STX2: variants seen among roughly 807,000 people sequenced by gnomAD.
The protein encoded by STX2 is syntaxin-2.
STX2 carries 27 observed loss-of-function variants against 40.6 expected under a neutral mutation model. The observed-to-expected ratio is 0.66, with a 90% CI of 0.49 to 0.92. The LOEUF (loss-of-function observed/expected upper bound fraction) is 0.92, where lower values mean the gene tolerates loss of function less well. STX2 is among the 40% of genes least tolerant of loss of function. The pLI is 0.00. For missense variants in STX2, 328 were observed against 366.1 expected (o/e 0.90, Z 0.85); for synonymous variants, 123 against 119.1 (o/e 1.03, Z -0.22).
chr12:130,830,192 C>T (rs1387636076), intron 1 of STX2, among the ~76,000 whole-genome samples: 2 of 152,142 alleles, frequency 1.3e-5, no homozygotes, highest in African/African-American at 4.8e-5. Context: ...TGAGGCAAAT[C>T]CCATGAGGCA....
chr12:130,791,363 GA>G lies in STX2; in HGVS notation c.*659del, dbSNP rs1199264166. On this transcript the variant is annotated 3_prime_UTR_variant, in exon 11 of 11. Transcript: ENST00000392373. ...GGTAAAACCCCGTCTCTACTAAAAA[GA>G]AAACACAAAAAATTAGCTGGGTGTG... The G allele has an allele frequency of 1.3e-5, 2 of 151,978 alleles. No individual in the cohort carries two copies. The highest frequency in any genetic ancestry group is 2.9e-5 in the Non-Finnish European group (2 of 67,998). 9.4% of individuals were successfully genotyped at this position (151,978 alleles called of 1,614,324 possible).
At chr12:130,832,056 A>G (rs1952583718) in intron 1 of STX2, among the ~76,000 whole-genome samples, 1 of 152,062 alleles carries the variant, frequency 6.6e-6, no homozygotes, top group South Asian at 2.1e-4. Context: ...CATGTGGCCC[A>G]GGCTGGCCTT....
At chr12:130,809,924 T>C (rs1951585367) in intron 4 of STX2, among the ~76,000 whole-genome samples, 1 of 152,076 alleles carries the variant, frequency 6.6e-6, no homozygotes, top group Non-Finnish European at 1.5e-5. Context: ...GCTCGGGGGA[T>C]CACTTCAGCC....
At chr12:130,827,373 A>G (rs1366769156) in intron 1 of STX2, 106 bp from the exon 2 acceptor site, 6 of 797,544 alleles carry the variant, frequency 7.5e-6, no homozygotes, top group Admixed American at 6.3e-5. Flanking sequence ...TCAACTCACT[A>G]CAGCACCAAA....
At chr12:130,799,713 C>T (rs1951152196) in intron 8 of STX2, among the ~76,000 whole-genome samples, 1 of 151,750 alleles carries the variant, frequency 6.6e-6, no homozygotes, top group Non-Finnish European at 1.5e-5. Flanking sequence ...ACTCGGGAGG[C>T]TGAGGTAGGA....
chr12:130,789,875 C>T lies in STX2; in HGVS notation c.*2148G>A, dbSNP rs1345138385. On this transcript the variant is annotated 3_prime_UTR_variant, in exon 11 of 11. Transcript: ENST00000392373. ...TACAAATCAAATAGCATTTTCCTAA[C>T]TTCAACTATAAAAACACAAATTTCA... The T allele has an allele frequency of 6.6e-6, 1 of 152,282 alleles. No individual in the cohort carries two copies. The highest frequency in any genetic ancestry group is 1.5e-5 in the Non-Finnish European group (1 of 68,036). 9.4% of individuals were successfully genotyped at this position (152,282 alleles called of 1,614,324 possible). A position where few individuals can be genotyped will look rare whatever the true frequency, so the allele number is the denominator to read the frequency against.
At chr12:130,806,791 T>C (rs1162458868) in intron 6 of STX2, among the ~76,000 whole-genome samples, 191 bp downstream of exon 6, 1 of 152,152 alleles carries the variant, frequency 6.6e-6, no homozygotes, top group African/African-American at 2.4e-5. Context: ...ACCCCACCGC[T>C]TAGGACTTCC....
chr12:130,832,454 G>T lies in STX2; in HGVS notation c.31-5187C>A, dbSNP rs566883683. Among the ~76,000 whole-genome samples, 25 of 152,228 alleles carry T rather than the reference G, an allele frequency of 1.6e-4. No individual in the cohort carries two copies. In the East Asian group the frequency reaches 4.6e-3, roughly 28 times the overall value. Reference sequence around the variant, plus strand: ...AGAGAGAGGACCACCGAGCCATGGGGTTTAAGCGTCTTCAGCTTCACTAAA... The same window carrying T: ...AGAGAGAGGACCACCGAGCCATGGGTTTTAAGCGTCTTCAGCTTCACTAAA... On this transcript the variant is annotated intron_variant, in intron 1 of 10. Transcript: ENST00000392373.
At chr12:130,818,617 C>A (rs556446290) in intron 3 of STX2, among the ~76,000 whole-genome samples, 1 of 151,976 alleles carries the variant, frequency 6.6e-6, no homozygotes, top group Admixed American at 6.6e-5. Context: ...TGATTTCCCG[C>A]GGAAAAGCAC....
At chr12:130,811,779 A>T (rs1165043310) in intron 4 of STX2, among the ~76,000 whole-genome samples, 1 of 152,120 alleles carries the variant, frequency 6.6e-6, no homozygotes, top group African/African-American at 2.4e-5. Context: ...TGACCTTGTG[A>T]TCCACCCGCC....
At chr12:130,818,636 C>T (rs1021257625) in intron 3 of STX2, among the ~76,000 whole-genome samples, 1 of 141,250 alleles carries the variant, frequency 7.1e-6, no homozygotes, top group South Asian at 2.5e-4. Flanking sequence ...ACAGAATGCA[C>T]GGGAGCAGGC....
rs1464896914 is a variant in STX2 at position 130,839,055 on chromosome 12, G to A, written c.30+15C>T. The stretch of plus-strand genomic sequence containing the variant: ...CCCGGCCGGGCCTGAACCGCTACCC[G>A]CGGCTGCCGCTCACCGCCGTCAGGT... On this transcript the variant is annotated intron_variant, in intron 1 of 10. Coordinates refer to ENST00000392373, the MANE Select transcript of STX2 (RefSeq NM_194356.4). 40 of 1,248,552 alleles carry A rather than the reference G, an allele frequency of 3.2e-5. No homozygotes were observed. The highest frequency in any genetic ancestry group is 3.6e-5 in the Non-Finnish European group (36 of 988,784). The allele number at this position is 1,248,552 out of a possible 1,614,324, so 77.3% of individuals were successfully genotyped here.
At chr12:130,804,179 C>T (rs1593129543) in intron 6 of STX2, among the ~76,000 whole-genome samples, 1 of 152,134 alleles carries the variant, frequency 6.6e-6, no homozygotes, top group Non-Finnish European at 1.5e-5. Flanking sequence ...TTTGAAGAAA[C>T]AAAGCATACA....
chr12:130,795,688 C>T (rs1371435816), intron 10 of STX2, among the ~76,000 whole-genome samples: 5 of 152,284 alleles, frequency 3.3e-5, no homozygotes, highest in African/African-American at 1.2e-4. Flanking sequence ...TGCAGTGAGC[C>T]ATGATCACGC....
intron 1 of STX2, among the ~76,000 whole-genome samples, chr12:130,828,171 T>C (rs1406552790): frequency 6.6e-6 from 1 of 152,158 alleles, no homozygotes; most frequent in Non-Finnish European, 1.5e-5. Context: ...ATGGGTAATA[T>C]TAATATATAA....
At chr12:130,794,670 T>A (rs576021563) in intron 10 of STX2, among the ~76,000 whole-genome samples, 1 of 151,912 alleles carries the variant, frequency 6.6e-6, no homozygotes, top group East Asian at 1.9e-4. Context: ...AATTAGTTTT[T>A]GGATTTTTTT....
At chr12:130,820,385 G>A (rs1275757027) in intron 3 of STX2, among the ~76,000 whole-genome samples, 4 of 152,226 alleles carry the variant, frequency 2.6e-5, no homozygotes, top group African/African-American at 2.4e-5. Context: ...AAGTAGATAC[G>A]GCTGGGCACG....
At chr12:130,838,607 G>A (rs971772232) in intron 1 of STX2, among the ~76,000 whole-genome samples, 1 of 152,172 alleles carries the variant, frequency 6.6e-6, no homozygotes, top group Non-Finnish European at 1.5e-5. Flanking sequence ...ATAAAGCAGC[G>A]ACCAAGAGGA....
chr12:130,797,914 C>A (rs557267344), intron 9 of STX2, among the ~76,000 whole-genome samples: 30 of 152,274 alleles, frequency 2.0e-4, no homozygotes, highest in Admixed American at 9.2e-4. Flanking sequence ...TCACGAATAA[C>A]CTAAATTAAA....
Sources: allele counts gnomAD v4.1 joint callset (sites outside exome capture counted in the v4.1 genomes callset), GRCh38; gene constraint gnomAD v4.1.1; transcripts MANE v1.5; gene names NCBI Gene and HGNC (gene_info 2026-07-23, HGNC 2026-07-21).